Variants in HUWE1 observed in about 807,000 individuals in gnomAD.
The protein encoded by HUWE1 is HECT, UBA and WWE domain containing E3 ubiquitin protein ligase 1.
In HUWE1, 18 loss-of-function variants were observed where a neutral mutation model predicts 299.4. The ratio of observed to expected loss-of-function variants is 0.06; its 90% CI spans 0.04 to 0.09. HUWE1 has a LOEUF of 0.09. Among genes scored for constraint, HUWE1 ranks in the 10% least tolerant of loss-of-function variants. The pLI is 1.00. For missense variants in HUWE1, 1,832 were observed against 3,462.3 expected (o/e 0.53, Z 11.82); for synonymous variants, 1,317 against 1,286.1 (o/e 1.02, Z -0.51).
At chrX:53,551,591 C>T (rs1396915757) in intron 63 of HUWE1, 111 bp from the exon 64 acceptor site, 18 of 670,554 alleles carry the variant, frequency 2.7e-5, no homozygotes, top group Non-Finnish European at 3.2e-5. Context: ...TGCCTCACTG[C>T]AGTGTTGAGC....
intron 25 of HUWE1, among the ~76,000 whole-genome samples, chrX:53,607,094 C>T (rs2065192663): frequency 1.8e-5 from 2 of 110,986 alleles, no homozygotes; most frequent in Middle Eastern, 4.3e-3. Flanking sequence ...AATTAAGTAT[C>T]GGCAATGAAC....
intron 45 of HUWE1, 31 bp downstream of exon 45, chrX:53,575,612 G>A (rs1602749474): frequency 5.0e-6 from 6 of 1,198,168 alleles, no homozygotes; most frequent in Non-Finnish European, 6.8e-6. Context: ...AAAATGAGAA[G>A]AAAGATAAAA....
At chrX:53,632,672 G>T in intron 8 of HUWE1, 108 bp from the exon 9 acceptor site, 1 of 590,078 alleles carries the variant, frequency 1.7e-6, no homozygotes, top group Non-Finnish European at 2.9e-6. Flanking sequence ...ACTTATTGTG[G>T]CAGAAGAATA....
intron 7 of HUWE1, among the ~76,000 whole-genome samples, chrX:53,636,380 T>C (rs891201635): frequency 3.6e-5 from 4 of 112,592 alleles, no homozygotes; most frequent in Non-Finnish European, 7.5e-5. Context: ...TTTAAGGCAA[T>C]GAGACAAGAA....
chrX:53,660,526 T>C (rs933791774), intron 3 of HUWE1, among the ~76,000 whole-genome samples: 13 of 112,253 alleles, frequency 1.2e-4, no homozygotes. Context: ...CTCATATTTC[T>C]AAAACTGGTT....
Position 53,600,472 on chromosome X carries a change from A to C in HUWE1, c.2972-163T>G, listed in dbSNP as rs782414454. Among the ~76,000 whole-genome samples the C allele has an allele frequency of 1.1e-3, 124 of 112,592 alleles. No individual in the cohort carries two copies. The Middle Eastern group carries it at 0.014, about 12-fold the overall frequency. ...AACACGACCCAAATATTTTACTGAT[A>C]TGCTCCTCTGGAGTTCTAAGTACCT... On this transcript the variant is annotated intron_variant, in intron 28 of 83. Transcript: ENST00000262854.
At chrX:53,565,544 C>A (rs1411307509) in intron 49 of HUWE1, among the ~76,000 whole-genome samples, 1 of 108,378 alleles carries the variant, frequency 9.2e-6, no homozygotes, top group African/African-American at 3.3e-5. Context: ...CAAGCCACTT[C>A]TCGGATGTAC....
Position 53,566,133 on chromosome X carries a change from GTATA to G in HUWE1, c.6708-898_6708-895del, listed in dbSNP as rs71830310. Among the ~76,000 whole-genome samples, 172 of 38,957 alleles carry G rather than the reference GTATA, an allele frequency of 4.4e-3. 1 individual carries two copies. Among genetic ancestry groups the G allele is most frequent in the African/African-American group, 0.014 (145 of 10,339 alleles). The allele number at this position is 38,957 out of a possible 115,157, so 33.8% of individuals were successfully genotyped here. ...TATGTATGTATGTGTGTGTGTGTGT[GTATA>G]TATATATATATATATATATATATAT... On this transcript the variant is annotated intron_variant, in intron 49 of 83. Transcript: ENST00000262854.
chrX:53,648,092 A>C, intron 5 of HUWE1, 120 bp downstream of exon 5: 1 of 539,152 alleles, frequency 1.9e-6, no homozygotes. Flanking sequence ...GGCACATGCT[A>C]GATGCTTATT....
At chrX:53,645,762 T>C (rs1368408268) in intron 6 of HUWE1, among the ~76,000 whole-genome samples, 1 of 88,837 alleles carries the variant, frequency 1.1e-5, no homozygotes, top group African/African-American at 4.4e-5. Flanking sequence ...TATATATATA[T>C]ATATATATAT....
chrX:53,671,306 G>A (rs2069516402), intron 3 of HUWE1, among the ~76,000 whole-genome samples: 1 of 111,371 alleles, frequency 9.0e-6, no homozygotes, highest in Non-Finnish European at 1.9e-5. Flanking sequence ...ATTAAATATG[G>A]ATCTCATAAA....
chrX:53,561,624 C>T (rs942635187), intron 55 of HUWE1, 132 bp downstream of exon 55: 1 of 936,428 alleles, frequency 1.1e-6, no homozygotes, highest in African/African-American at 1.9e-5. Context: ...TCAGATATCC[C>T]TTGCCCCAGG....
intron 19 of HUWE1, among the ~76,000 whole-genome samples, chrX:53,621,196 G>A (rs2066126374): frequency 9.0e-6 from 1 of 110,924 alleles, no homozygotes; most frequent in Non-Finnish European, 1.9e-5. Context: ...ACTTCGGCAT[G>A]CCAAAAGTCT....
At chrX:53,625,582 A>G in intron 17 of HUWE1, 1 of 214,376 alleles carries the variant, frequency 4.7e-6, no homozygotes, top group East Asian at 1.1e-4. Context: ...TTGATAATCA[A>G]TGTGCAAATT....
rs1557022625 is a variant in HUWE1, at chrX:53,631,395, T to C, written c.762+19A>G. On this transcript the variant is annotated intron_variant, in intron 11 of 83. Transcript: ENST00000262854. ...AGATAACAACCACATCCTGTGGATGTTTTAAAGCCACATCATACCTGCTTA... is the reference window on the plus strand; with the variant it reads ...AGATAACAACCACATCCTGTGGATGCTTTAAAGCCACATCATACCTGCTTA... 1 of 1,159,035 alleles carries C rather than the reference T, an allele frequency of 8.6e-7. No individual in the cohort carries two copies. The highest frequency in any genetic ancestry group is 1.2e-6 in the Non-Finnish European group (1 of 848,110).
intron 46 of HUWE1, among the ~76,000 whole-genome samples, chrX:53,574,380 A>G (rs1463148849): frequency 1.8e-5 from 2 of 112,470 alleles, no homozygotes; most frequent in Non-Finnish European, 3.8e-5. Flanking sequence ...CATGTCCATT[A>G]TATCTTATCC....
intron 37 of HUWE1, 28 bp from the exon 38 acceptor site, chrX:53,586,937 AC>A: frequency 8.3e-7 from 1 of 1,203,548 alleles, no homozygotes; most frequent in Non-Finnish European, 1.1e-6. Flanking sequence ...AAAAACAACA[AC>A]AACCAGATAC....
intron 83 of HUWE1, chrX:53,533,718 C>G (rs2060872166): frequency 4.6e-6 from 2 of 438,743 alleles, no homozygotes; most frequent in African/African-American, 2.4e-5. Context: ...CTCTGCTGAG[C>G]TCTTTAGACT....
chrX:53,676,663 G>GAGCA (rs1367747423), intron 3 of HUWE1, among the ~76,000 whole-genome samples: 4 of 111,626 alleles, frequency 3.6e-5, no homozygotes, highest in African/African-American at 1.3e-4. Flanking sequence ...GACTACTAGA[G>GAGCA]AGCATGTCAG....
Sources: gnomAD v4.1 joint callset for allele counts (sites outside exome capture counted in the v4.1 genomes callset) on GRCh38, gnomAD v4.1.1 for gene constraint, MANE v1.5 for transcripts, NCBI Gene and HGNC (gene_info 2026-07-23, HGNC 2026-07-21) for gene names.